The following KLHL4 variants were observed in gnomAD, a reference collection of about 807,000 sequenced individuals.
KLHL4 encodes the protein kelch-like protein 4.
In KLHL4, 17 loss-of-function variants were observed where a neutral mutation model predicts 45.8. That is an observed-to-expected ratio of 0.37 (90% confidence interval 0.25 to 0.56). The LOEUF is 0.56. Among genes scored for constraint, KLHL4 ranks in the 20% least tolerant of loss-of-function variants. The pLI is 0.79. For missense variants in KLHL4, 544 were observed against 544.9 expected, an observed-to-expected ratio of 1.00 and a Z score of 0.02; for synonymous variants, 224 against 189.9, an observed-to-expected ratio of 1.18 and a Z score of -1.47.
In KLHL4 at chrX:87,667,134, G is replaced by A. The variant is rs139896573; in HGVS notation, c.*600G>A. On this transcript the variant is annotated 3_prime_UTR_variant, in exon 11 of 11. Coordinates refer to ENST00000373119, the MANE Select transcript of KLHL4 (RefSeq NM_019117.5). ...GACAAAACTTGTTATGTTGATCGCG[G>A]TATGTCAAAATTTTTACAGGTTTGC... 2.4e-4 allele frequency: 183 copies of A among 750,828 alleles called. 1 individual carries two copies. In the East Asian group the frequency reaches 0.016, roughly 65 times the overall value. 61.9% of individuals were successfully genotyped at this position (750,828 alleles called of 1,213,427 possible). A position where few individuals can be genotyped will look rare whatever the true frequency, so the allele number is the denominator to read the frequency against.
intron 1 of KLHL4, among the ~76,000 whole-genome samples, chrX:87,567,507 A>G (rs1329931981): frequency 9.0e-6 from 1 of 111,634 alleles, no homozygotes; most frequent in Non-Finnish European, 1.9e-5. Flanking sequence ...ACAAGTAGGT[A>G]TTTGTGCAAC....
chrX:87,628,657 C>A (rs1012970190), intron 6 of KLHL4, among the ~76,000 whole-genome samples: 2 of 111,366 alleles, frequency 1.8e-5, no homozygotes, highest in African/African-American at 6.5e-5. Flanking sequence ...GAAATCACCA[C>A]CAAAGAACTT....
chrX:87,607,734 C>T (rs1922244132), intron 1 of KLHL4, among the ~76,000 whole-genome samples: 1 of 111,551 alleles, frequency 9.0e-6, no homozygotes, highest in Non-Finnish European at 1.9e-5. Flanking sequence ...TCTTCACCTT[C>T]ATCTCTTATC....
At chrX:87,631,869 T>A (rs1923108622) in intron 6 of KLHL4, among the ~76,000 whole-genome samples, 1 of 112,689 alleles carries the variant, frequency 8.9e-6, no homozygotes, top group East Asian at 2.8e-4. Context: ...AAACATTCAA[T>A]AATAGAATCC....
intron 9 of KLHL4, among the ~76,000 whole-genome samples, chrX:87,647,974 T>A (rs1284429234): frequency 9.0e-6 from 1 of 111,555 alleles, no homozygotes; most frequent in East Asian, 2.8e-4. Context: ...AGAATTATTA[T>A]ACAGAAATTA....
intron 1 of KLHL4, among the ~76,000 whole-genome samples, chrX:87,569,638 GC>G (rs1435793210): frequency 4.5e-5 from 5 of 111,580 alleles, no homozygotes; most frequent in Non-Finnish European, 3.8e-5. Flanking sequence ...ATACTGTTCA[GC>G]CGTATAAAGG....
At chrX:87,621,665 A>G (rs1192818625) in intron 4 of KLHL4, among the ~76,000 whole-genome samples, 1 of 111,553 alleles carries the variant, frequency 9.0e-6, no homozygotes, top group Non-Finnish European at 1.9e-5. Context: ...GCAAAAGAGT[A>G]CTTTTCTCTT....
intron 1 of KLHL4, among the ~76,000 whole-genome samples, chrX:87,581,992 A>G (rs1284589819): frequency 1.8e-5 from 2 of 112,008 alleles, no homozygotes; most frequent in Admixed American, 9.4e-5. Context: ...GACAGCCAAA[A>G]TAGCCAATAT....
chrX:87,663,178 G>A (rs755663081), intron 9 of KLHL4, among the ~76,000 whole-genome samples: 1 of 110,670 alleles, frequency 9.0e-6, no homozygotes, highest in East Asian at 2.9e-4. Context: ...TCAAGCAAAT[G>A]ATTCCTAGTT....
chrX:87,620,257 T>C (rs904045425), intron 4 of KLHL4, among the ~76,000 whole-genome samples: 5 of 111,912 alleles, frequency 4.5e-5, no homozygotes, highest in African/African-American at 1.6e-4. Context: ...CCCTTGGAAG[T>C]TGCATAGAAT....
At chrX:87,570,014 TA>T (rs1932302305) in intron 1 of KLHL4, among the ~76,000 whole-genome samples, 1 of 111,698 alleles carries the variant, frequency 9.0e-6, no homozygotes, top group African/African-American at 3.2e-5. Context: ...ACAATTTTTT[TA>T]ATTGAACAAG....
At chrX:87,532,209 G>A (rs1931304818) in intron 1 of KLHL4, among the ~76,000 whole-genome samples, 3 of 109,086 alleles carry the variant, frequency 2.8e-5, no homozygotes, top group Admixed American at 9.8e-5. Flanking sequence ...CCCATTGCTT[G>A]TTTTTCTCAG....
chrX:87,663,741 G>A (rs1924276311), intron 9 of KLHL4, among the ~76,000 whole-genome samples: 1 of 112,225 alleles, frequency 8.9e-6, no homozygotes, highest in Non-Finnish European at 1.9e-5. Flanking sequence ...TATGCTACAT[G>A]ACACTCAATG....
In KLHL4 at chrX:87,632,354, T is replaced by C; in HGVS notation, c.1469T>C (p.Leu490Ser). 8.3e-7 allele frequency: 1 copy of C among 1,210,936 alleles called. No individual in the cohort carries two copies. The highest frequency in any genetic ancestry group is 3.0e-5 in the East Asian group (1 of 33,818). The change falls in exon 7 of 11, where the codon TTG becomes TCG. Residue 490 changes from leucine to serine, a missense_variant. By Grantham distance (145) the Leu-to-Ser change is moderately radical (BLOSUM62 -2). Coordinates refer to ENST00000373119, the MANE Select transcript of KLHL4 (RefSeq NM_019117.5). ...GGAGGAAGAGACGGTTTAAAAACTTTGAATACAGTGGAATGTTTTAATCCA... is the reference window on the plus strand; with the variant it reads ...GGAGGAAGAGACGGTTTAAAAACTTCGAATACAGTGGAATGTTTTAATCCA... Reference protein sequence around the residue: ...VVGGRDGLKTLNTVECFNPVG... With the variant: ...VVGGRDGLKTSNTVECFNPVG...
chrX:87,666,522 G>A lies in KLHL4; in HGVS notation c.2145G>A (p.Val715=), dbSNP rs760763766. 1.7e-6 allele frequency: 2 copies of A among 1,197,716 alleles called. No homozygotes were observed. Among genetic ancestry groups the A allele is most frequent in the Non-Finnish European group, 2.3e-6 (2 of 886,832 alleles). The change falls in exon 11 of 11, where the codon GTG becomes GTA. Residue 715 remains valine (V), a synonymous_variant. Transcript: ENST00000373119. ...IGRAGACVVV[V]KLP ...GAGCTGGTGCATGTGTTGTAGTGGT[G>A]AAGCTACCCTAAAGCTATCTATCTT...
chrX:87,657,432 C>T (rs1486919085), intron 9 of KLHL4, among the ~76,000 whole-genome samples: 2 of 111,799 alleles, frequency 1.8e-5, no homozygotes, highest in African/African-American at 3.3e-5. Flanking sequence ...GTATAATTTC[C>T]TTGGTTATAA....
intron 1 of KLHL4, among the ~76,000 whole-genome samples, chrX:87,570,791 G>A (rs914824614): frequency 6.3e-5 from 7 of 110,969 alleles, no homozygotes; most frequent in African/African-American, 2.0e-4. Flanking sequence ...ATGTGAAGGC[G>A]AAGTGTATGA....
intron 1 of KLHL4, among the ~76,000 whole-genome samples, chrX:87,568,058 TAA>T (rs1293395522): frequency 9.0e-6 from 1 of 111,548 alleles, no homozygotes; most frequent in East Asian, 2.8e-4. Flanking sequence ...GAAATTATGC[TAA>T]GTTAAATAAA....
intron 1 of KLHL4, among the ~76,000 whole-genome samples, chrX:87,563,481 C>G (rs1399473020): frequency 9.4e-6 from 1 of 106,701 alleles, no homozygotes; most frequent in Non-Finnish European, 1.9e-5. Context: ...AATTCCAGAG[C>G]TGAAAAATTC....
Sources: gnomAD v4.1 joint callset for allele counts (sites outside exome capture counted in the v4.1 genomes callset) on GRCh38, gnomAD v4.1.1 for gene constraint, MANE v1.5 for transcripts, NCBI Gene and HGNC (gene_info 2026-07-23, HGNC 2026-07-21) for gene names.